Variants in MECOM observed in about 807,000 individuals in gnomAD.
MECOM encodes MDS1 and EVI1 complex locus.
In MECOM, 13 loss-of-function variants were observed where a neutral mutation model predicts 116.3. The ratio of observed to expected loss-of-function variants is 0.11; its 90% CI spans 0.07 to 0.18. MECOM has a LOEUF of 0.18. Among genes scored for constraint, MECOM ranks in the 10% least tolerant of loss-of-function variants. The pLI is 1.00. For missense variants in MECOM, 1,299 were observed against 1,509.0 expected (o/e 0.86, Z 2.31); for synonymous variants, 528 against 535.2 (o/e 0.99, Z 0.19).
At chr3:169,441,927 T>C (rs566945582) in intron 1 of MECOM, among the ~76,000 whole-genome samples, 2 of 150,686 alleles carry the variant, frequency 1.3e-5, no homozygotes, top group African/African-American at 4.9e-5. Flanking sequence ...ATGTTTTGTT[T>C]TGTTTTGTTT....
intron 1 of MECOM, among the ~76,000 whole-genome samples, chr3:169,601,352 T>G (rs1767809237): frequency 6.6e-6 from 1 of 152,190 alleles, no homozygotes; most frequent in African/African-American, 2.4e-5. Context: ...ATGAAAACTA[T>G]TCTCCACAGC....
intron 1 of MECOM, among the ~76,000 whole-genome samples, chr3:169,642,953 T>G (rs1773690313): frequency 6.6e-6 from 1 of 151,978 alleles, no homozygotes; most frequent in Admixed American, 6.5e-5. Context: ...CCCAGTAGCA[T>G]CTCCCAAAGC....
chr3:169,623,444 G>A (rs1770989306), intron 1 of MECOM, among the ~76,000 whole-genome samples: 1 of 152,076 alleles, frequency 6.6e-6, no homozygotes, highest in Non-Finnish European at 1.5e-5. Flanking sequence ...GGAGTTCTAT[G>A]ATTTATATAA....
chr3:169,431,731 T>C (rs1741672786), intron 1 of MECOM, among the ~76,000 whole-genome samples: 1 of 152,198 alleles, frequency 6.6e-6, no homozygotes, highest in Non-Finnish European at 1.5e-5. Flanking sequence ...TTTTAGATTC[T>C]CCTGTTTGGG....
chr3:169,283,778 G>C (rs1423456066), intron 2 of MECOM, among the ~76,000 whole-genome samples: 1 of 152,090 alleles, frequency 6.6e-6, no homozygotes, highest in Non-Finnish European at 1.5e-5. Flanking sequence ...TAGTTACCTG[G>C]CCTCTTAGCT....
chr3:169,115,672 G>T lies in MECOM; in HGVS notation c.2200C>A (p.Gln734Lys). ...PQSPGEVKKL[Q>K]KGSSESPFDL... ...AAGGGGGACTCAGAGCTGCCCTTCT[G>T]CAGTTTCTTTACTTCACCTGGTGAT... is the stretch of plus-strand genomic sequence containing the variant. Residue 734 changes from glutamine to lysine, a missense_variant, in exon 8 of 17, where the codon CAG (glutamine) becomes AAG (lysine). Physicochemically the swap from Gln to Lys is moderately conservative, Grantham distance 53. This residue lies in a region of MECOM where 340 missense variants were observed against 312.6 expected (regional missense o/e 1.09). Transcript: ENST00000651503. The T allele has an allele frequency of 4.3e-6, 7 of 1,614,124 alleles. No homozygotes were observed. The highest frequency in any genetic ancestry group is 5.9e-6 in the Non-Finnish European group (7 of 1,180,024).
chr3:169,607,944 A>G, intron 1 of MECOM, among the ~76,000 whole-genome samples: 1 of 152,184 alleles, frequency 6.6e-6, no homozygotes, highest in Admixed American at 6.5e-5. Flanking sequence ...GCAAATCTCC[A>G]TTCTTTTCAA....
At chr3:169,498,718 A>G (rs950432016) in intron 1 of MECOM, among the ~76,000 whole-genome samples, 6 of 152,220 alleles carry the variant, frequency 3.9e-5, no homozygotes, top group African/African-American at 9.6e-5. Flanking sequence ...AAATTTACAC[A>G]AGAAAATCAG....
At chr3:169,517,110 TACA>T (rs993272309) in intron 1 of MECOM, among the ~76,000 whole-genome samples, 42 of 152,052 alleles carry the variant, frequency 2.8e-4, no homozygotes, top group Admixed American at 5.9e-4. Context: ...CCATGGATCA[TACA>T]ACAACAACAA....
At chr3:169,587,916 A>G (rs73174370) in intron 1 of MECOM, among the ~76,000 whole-genome samples, 9,399 of 152,268 alleles carry the variant, frequency 0.062, 367 homozygotes, top group Non-Finnish European at 0.071. Flanking sequence ...CCAAAATTAA[A>G]TCCTGGCCTT....
intron 11 of MECOM, among the ~76,000 whole-genome samples, chr3:169,101,792 A>C (rs1723627945): frequency 1.3e-5 from 2 of 152,356 alleles, no homozygotes; most frequent in South Asian, 4.1e-4. Context: ...ATTCATAAAT[A>C]TCAAAGTGAG....
At chr3:169,639,207 T>C (rs1012989467) in intron 1 of MECOM, among the ~76,000 whole-genome samples, 1 of 152,118 alleles carries the variant, frequency 6.6e-6, no homozygotes, top group African/African-American at 2.4e-5. Flanking sequence ...CCCATATTAA[T>C]ATGGCATTAT....
intron 16 of MECOM, among the ~76,000 whole-genome samples, chr3:169,087,077 G>T (rs1718016149): frequency 6.6e-6 from 1 of 152,112 alleles, no homozygotes; most frequent in African/African-American, 2.4e-5. Context: ...TATGACTTAG[G>T]ATTGCAAAAT....
intron 2 of MECOM, among the ~76,000 whole-genome samples, chr3:169,266,947 T>A (rs1758386641): frequency 6.6e-6 from 1 of 152,180 alleles, no homozygotes; most frequent in South Asian, 2.1e-4. Context: ...TGGACTACAT[T>A]TCCCAGATTG....
At chr3:169,485,924 G>C (rs796495452) in intron 1 of MECOM, among the ~76,000 whole-genome samples, 3,564 of 107,388 alleles carry the variant, frequency 0.033, 112 homozygotes, top group South Asian at 0.05. Context: ...TGTATATATA[G>C]TATATATAGT....
intron 3 of MECOM, among the ~76,000 whole-genome samples, chr3:169,141,463 G>C (rs1230002026): frequency 1.3e-5 from 2 of 151,918 alleles, no homozygotes; most frequent in Admixed American, 6.6e-5. Context: ...GTGATGAGTT[G>C]TGCTTATTCA....
Position 169,117,870 on chromosome 3 carries a change from A to G in MECOM, c.1133-1131T>C, listed in dbSNP as rs554853728. Among the ~76,000 whole-genome samples, 6 of 151,714 alleles carry G rather than the reference A, an allele frequency of 4.0e-5. 1 individual carries two copies. Among genetic ancestry groups the G allele is most frequent in the African/African-American group, 1.2e-4 (5 of 41,226 alleles). The stretch of plus-strand genomic sequence containing the variant: ...TTACAGTATCAGTACCCTGAGCATC[A>G]CATTTTTTATTTTACTTTACGGGAT... On this transcript the variant is annotated intron_variant, in intron 7 of 16. Coordinates refer to ENST00000651503, the MANE Select transcript of MECOM (RefSeq NM_004991.4).
At chr3:169,600,097 G>A (rs747783440) in intron 1 of MECOM, among the ~76,000 whole-genome samples, 10 of 151,938 alleles carry the variant, frequency 6.6e-5, no homozygotes, top group Non-Finnish European at 1.5e-4. Flanking sequence ...TCAGCCACCC[G>A]AGTAGCTGGG....
intron 13 of MECOM, 89 bp from the exon 14 acceptor site, chr3:169,093,191 G>A: frequency 7.3e-7 from 1 of 1,379,256 alleles, no homozygotes; most frequent in Non-Finnish European, 9.8e-7. Flanking sequence ...TTTGATCAGT[G>A]CTGTTTCTTA....
Sources: gnomAD v4.1 joint callset for allele counts (sites outside exome capture counted in the v4.1 genomes callset) on GRCh38, gnomAD v4.1.1 for gene constraint, gnomAD v4.1.1 regional missense constraint, MANE v1.5 for transcripts, NCBI Gene and HGNC (gene_info 2026-07-23, HGNC 2026-07-21) for gene names.